LRFN5: variants seen among roughly 807,000 people sequenced by gnomAD.
LRFN5 encodes the protein leucine-rich repeat and fibronectin type-III domain-containing protein 5.
In LRFN5, 24 loss-of-function variants were observed where a neutral mutation model predicts 45.6. The ratio of observed to expected loss-of-function variants is 0.53; its 90% CI spans 0.38 to 0.74. The LOEUF is 0.74. LRFN5 is among the 30% of genes least tolerant of loss of function. The probability of loss-of-function intolerance (pLI) is 0.00; values close to 1 mark genes in which losing one functional copy is unlikely to be tolerated. For synonymous variants in LRFN5, 340 were observed against 313.8 expected (o/e 1.08, Z -0.88); for missense variants, 776 against 861.5 (o/e 0.90, Z 1.24).
chr14:41,877,234 A>T (rs968529711), intron 2 of LRFN5, among the ~76,000 whole-genome samples: 1 of 152,164 alleles, frequency 6.6e-6, no homozygotes, highest in Non-Finnish European at 1.5e-5. Flanking sequence ...GCAGTTGTGC[A>T]ATATAGTTGC....
At position 41,833,313 on chromosome 14, in the gene LRFN5, A is replaced by G. The variant is rs140502030; in HGVS notation, c.-20-53293A>G. On this transcript the variant is annotated intron_variant, in intron 2 of 5. Coordinates refer to ENST00000298119, the MANE Select transcript of LRFN5 (RefSeq NM_152447.5). ...GTTAGGATCCTCTGCTGAGGTGGCT[A>G]TGTGATGAGCATTCAGAGAGGGCAC... 5.8e-4 allele frequency among the ~76,000 whole-genome samples: 89 copies of G among 152,308 alleles called. No individual in the cohort carries two copies. In the East Asian group the frequency reaches 0.014, roughly 23 times the overall value.
At chr14:41,821,887 G>T (rs1016683443) in intron 2 of LRFN5, among the ~76,000 whole-genome samples, 1 of 151,732 alleles carries the variant, frequency 6.6e-6, no homozygotes, top group Non-Finnish European at 1.5e-5. Context: ...GTTCAGTCCT[G>T]GGAGGTTGGA....
At chr14:41,730,852 A>G (rs1322442583) in intron 1 of LRFN5, among the ~76,000 whole-genome samples, 1 of 151,902 alleles carries the variant, frequency 6.6e-6, no homozygotes, top group Non-Finnish European at 1.5e-5. Context: ...GAGAATTTGA[A>G]GTTGCCTTTC....
At chr14:41,772,399 TC>T (rs1886122734) in intron 2 of LRFN5, among the ~76,000 whole-genome samples, 2 of 152,096 alleles carry the variant, frequency 1.3e-5, no homozygotes, top group African/African-American at 4.8e-5. Context: ...TAAAATATGA[TC>T]CACAAAAACA....
chr14:41,722,014 G>T (rs937946123), intron 1 of LRFN5, among the ~76,000 whole-genome samples: 2 of 151,934 alleles, frequency 1.3e-5, no homozygotes, highest in Admixed American at 1.3e-4. Context: ...TAATTTGTAG[G>T]TTTGGTTGCT....
intron 1 of LRFN5, among the ~76,000 whole-genome samples, chr14:41,693,756 C>T (rs1882480356): frequency 6.6e-6 from 1 of 151,846 alleles, no homozygotes; most frequent in South Asian, 2.1e-4. Context: ...ATCTTTATAA[C>T]TTTTCTTTTT....
chr14:41,885,643 A>G (rs933332557), intron 2 of LRFN5, among the ~76,000 whole-genome samples: 1 of 152,176 alleles, frequency 6.6e-6, no homozygotes, highest in Non-Finnish European at 1.5e-5. Context: ...ATATTTTAAT[A>G]TTTAGGGAAC....
intron 2 of LRFN5, among the ~76,000 whole-genome samples, chr14:41,784,269 A>T (rs1340430223): frequency 6.6e-6 from 1 of 152,134 alleles, no homozygotes; most frequent in Admixed American, 6.5e-5. Flanking sequence ...ATTTGTATCT[A>T]TAACACACTC....
chr14:41,722,915 G>T (rs1883786414), intron 1 of LRFN5, among the ~76,000 whole-genome samples: 1 of 152,176 alleles, frequency 6.6e-6, no homozygotes, highest in African/African-American at 2.4e-5. Flanking sequence ...TTCCCTGCTG[G>T]CAGGCGCAAG....
chr14:41,835,636 G>A (rs1888634850), intron 2 of LRFN5, among the ~76,000 whole-genome samples: 1 of 152,168 alleles, frequency 6.6e-6, no homozygotes, highest in African/African-American at 2.4e-5. Flanking sequence ...TGAGGTGGGA[G>A]GGTCGCTTGA....
At chr14:41,831,351 A>G (rs1300672545) in intron 2 of LRFN5, among the ~76,000 whole-genome samples, 2 of 152,202 alleles carry the variant, frequency 1.3e-5, no homozygotes, top group African/African-American at 4.8e-5. Flanking sequence ...ATAATTTTGT[A>G]TGTGTAATGT....
intron 1 of LRFN5, among the ~76,000 whole-genome samples, chr14:41,671,617 G>GTGTTTTTTTTT (rs1881224583): frequency 1.3e-5 from 1 of 78,018 alleles, no homozygotes; most frequent in South Asian, 5.1e-4. Flanking sequence ...TTTTTTTTTC[G>GTGTTTTTTTTT]TTTTTTTTTT....
intron 1 of LRFN5, among the ~76,000 whole-genome samples, chr14:41,751,605 G>C: frequency 6.6e-6 from 1 of 151,972 alleles, no homozygotes; most frequent in Admixed American, 6.6e-5. Flanking sequence ...GTCTCTCCAA[G>C]CAGATGCACA....
At chr14:41,867,599 G>T (rs1889882421) in intron 2 of LRFN5, among the ~76,000 whole-genome samples, 1 of 152,110 alleles carries the variant, frequency 6.6e-6, no homozygotes, top group Non-Finnish European at 1.5e-5. Flanking sequence ...CACTGGTGTT[G>T]ATGCTTCATG....
chr14:41,844,454 G>A (rs1410302859), intron 2 of LRFN5, among the ~76,000 whole-genome samples: 1 of 146,224 alleles, frequency 6.8e-6, no homozygotes, highest in African/African-American at 2.5e-5. Context: ...AAAAAAATAT[G>A]TATATTTATA....
chr14:41,656,633 C>T (rs1003824813), intron 1 of LRFN5, among the ~76,000 whole-genome samples: 1 of 151,780 alleles, frequency 6.6e-6, no homozygotes, highest in Non-Finnish European at 1.5e-5. Context: ...CCTTAGTGTA[C>T]TTTAGATAGA....
rs1204436350 is a variant in LRFN5, at chr14:41,891,385, G to T, written c.1521G>T (p.Gln507His). The change falls in exon 4 of 6, where the codon CAG becomes CAT. Residue 507 changes from glutamine to histidine, a missense_variant. This residue lies in a region of LRFN5 where 465 missense variants were observed against 456.4 expected (regional missense o/e 1.02). Transcript: ENST00000298119. ...LTATRVVGCI[Q>H]FTTEQDYVRC... ...CCACAAGAGTCGTGGGTTGCATCCA[G>T]TTTACTACGGAACAGGATTATGTGC... The T allele has an allele frequency of 1.2e-6, 2 of 1,613,988 alleles. No individual in the cohort carries two copies. The highest frequency in any genetic ancestry group is 2.7e-5 in the African/African-American group (2 of 74,872).
At chr14:41,797,335 C>T (rs1887168943) in intron 2 of LRFN5, among the ~76,000 whole-genome samples, 1 of 151,556 alleles carries the variant, frequency 6.6e-6, no homozygotes, top group Admixed American at 6.6e-5. Context: ...AGACAGTTTT[C>T]CTAATGCCAT....
chr14:41,647,566 G>A (rs1046515067), intron 1 of LRFN5, among the ~76,000 whole-genome samples: 5 of 152,164 alleles, frequency 3.3e-5, no homozygotes, highest in African/African-American at 1.2e-4. Context: ...GAGAAGTGGA[G>A]GAAGGGGTTA....
Sources: allele counts gnomAD v4.1 joint callset (sites outside exome capture counted in the v4.1 genomes callset), GRCh38; gene constraint gnomAD v4.1.1; regional missense constraint gnomAD v4.1.1; transcripts MANE v1.5; gene names NCBI Gene and HGNC (gene_info 2026-07-23, HGNC 2026-07-21).